The following MACROD1 variants were observed in gnomAD, a reference collection of about 807,000 sequenced individuals.
The protein encoded by MACROD1 is mono-ADP ribosylhydrolase 1.
Under a neutral mutation model 41.4 loss-of-function variants are expected in MACROD1, and 31 were observed. That is an observed-to-expected ratio of 0.75 (90% CI 0.56 to 1.01). The LOEUF is 1.01. MACROD1 is among the 50% of genes least tolerant of loss of function. The probability of loss-of-function intolerance (pLI) is 0.00; values close to 1 mark genes in which losing one functional copy is unlikely to be tolerated. For synonymous variants in MACROD1, 252 were observed against 203.4 expected (o/e 1.24, Z -2.03); for missense variants, 473 against 460.0 (o/e 1.03, Z -0.26).
intron 3 of MACROD1, among the ~76,000 whole-genome samples, chr11:64,025,492 C>T (rs1053931845): frequency 6.6e-6 from 1 of 152,194 alleles, no homozygotes; most frequent in African/African-American, 2.4e-5. Flanking sequence ...ATGAATCAAC[C>T]TCACAAAACA....
At chr11:64,118,361 C>G in intron 3 of MACROD1, 5 of 1,467,952 alleles carry the variant, frequency 3.4e-6, no homozygotes, top group Non-Finnish European at 4.5e-6. Context: ...CTTTGCCCAG[C>G]CTGCTGCAAT....
chr11:64,128,211 C>T (rs1300347850), intron 3 of MACROD1, among the ~76,000 whole-genome samples: 1 of 152,132 alleles, frequency 6.6e-6, no homozygotes, highest in African/African-American at 2.4e-5. Context: ...AGGAAAGGAC[C>T]CAGGCTGTTC....
intron 3 of MACROD1, among the ~76,000 whole-genome samples, chr11:64,094,247 G>A (rs898568099): frequency 1.3e-5 from 2 of 152,122 alleles, no homozygotes; most frequent in Admixed American, 6.6e-5. Flanking sequence ...CCTGGAAGAC[G>A]GTAAAACCAC....
At chr11:64,014,568 C>T (rs543661226) in intron 4 of MACROD1, among the ~76,000 whole-genome samples, 8 of 152,230 alleles carry the variant, frequency 5.3e-5, no homozygotes, top group East Asian at 3.8e-4. Flanking sequence ...GTGCAGACAG[C>T]GGGCAGCCTG....
At chr11:64,101,652 G>A (rs917202597) in intron 3 of MACROD1, among the ~76,000 whole-genome samples, 11 of 152,120 alleles carry the variant, frequency 7.2e-5, no homozygotes, top group East Asian at 1.9e-4. Flanking sequence ...ATGAAATCAC[G>A]CGGGTGGTAA....
chr11:64,073,500 G>T (rs1395915641), intron 3 of MACROD1, among the ~76,000 whole-genome samples: 1 of 152,258 alleles, frequency 6.6e-6, no homozygotes, highest in East Asian at 1.9e-4. Flanking sequence ...TTGGTGGAAG[G>T]ATTAGCTGAG....
At chr11:64,009,937 C>G (rs1025934125) in intron 4 of MACROD1, among the ~76,000 whole-genome samples, 1 of 152,262 alleles carries the variant, frequency 6.6e-6, no homozygotes, top group African/African-American at 2.4e-5. Flanking sequence ...CTCCACGCCA[C>G]TACCCACACC....
At chr11:64,019,757 G>T (rs1254638768) in intron 3 of MACROD1, among the ~76,000 whole-genome samples, 1 of 152,176 alleles carries the variant, frequency 6.6e-6, no homozygotes, top group Non-Finnish European at 1.5e-5. Flanking sequence ...CTTGAGAGCT[G>T]CCCCGGGCGT....
At chr11:64,072,876 C>T (rs760611978) in intron 3 of MACROD1, among the ~76,000 whole-genome samples, 5 of 152,220 alleles carry the variant, frequency 3.3e-5, no homozygotes, top group African/African-American at 9.7e-5. Flanking sequence ...CATAAACCTA[C>T]GTGTGGAGCA....
At chr11:64,147,667 G>A (rs942848312) in intron 3 of MACROD1, among the ~76,000 whole-genome samples, 1 of 151,520 alleles carries the variant, frequency 6.6e-6, no homozygotes, top group African/African-American at 2.4e-5. Context: ...CAAGTGATCC[G>A]CCTGTCTCAG....
intron 1 of MACROD1, among the ~76,000 whole-genome samples, chr11:64,164,941 C>G (rs1365342280): frequency 6.6e-6 from 1 of 151,788 alleles, no homozygotes; most frequent in Non-Finnish European, 1.5e-5. Flanking sequence ...CTCATGCCCC[C>G]TCCAGGAGCA....
chr11:64,136,352 C>T (rs1276555112), intron 3 of MACROD1, among the ~76,000 whole-genome samples: 2 of 152,244 alleles, frequency 1.3e-5, no homozygotes, highest in Non-Finnish European at 2.9e-5. Context: ...AGACAAGTCA[C>T]TTATGGTCTC....
intron 3 of MACROD1, among the ~76,000 whole-genome samples, chr11:64,050,652 CTT>C (rs1223286825): frequency 1.3e-5 from 2 of 152,342 alleles, no homozygotes; most frequent in African/African-American, 2.4e-5. Context: ...GACTTTCACT[CTT>C]GTCGCCCAGG....
chr11:64,152,196 A>C lies in MACROD1; in HGVS notation c.400+96T>G, dbSNP rs557454003. ...AGCACCTGCCTGCAGCAAGCACTCG[A>C]TACATGCCACTGGACTAGCTCTTCT... On this transcript the variant is annotated intron_variant, in intron 2 of 10. Coordinates refer to ENST00000255681, the MANE Select transcript of MACROD1 (RefSeq NM_014067.4). 1.3e-5 allele frequency: 12 copies of C among 952,920 alleles called. No homozygotes were observed. The East Asian group carries it at 2.2e-4, about 17-fold the overall frequency. 59.0% of individuals were successfully genotyped at this position (952,920 alleles called of 1,614,324 possible).
intron 3 of MACROD1, among the ~76,000 whole-genome samples, chr11:64,018,952 C>T (rs1943117678): frequency 6.6e-6 from 1 of 152,196 alleles, no homozygotes; most frequent in Non-Finnish European, 1.5e-5. Context: ...CAAGCTGGGG[C>T]TCATGATCCA....
chr11:64,165,934 G>T lies in MACROD1; in HGVS notation c.61C>A (p.Leu21Ile). 7.6e-7 allele frequency: 1 copy of T among 1,322,710 alleles called. No homozygotes were observed. 81.9% of individuals were successfully genotyped at this position (1,322,710 alleles called of 1,614,324 possible). ...CCGGGCCGGGGGCGCGGGGGGACGAGCAGCTGCCCCGCCGCGCGCAGCTGT... is the reference window on the plus strand; with the variant it reads ...CCGGGCCGGGGGCGCGGGGGGACGATCAGCTGCCCCGCCGCGCGCAGCTGT... Reference protein sequence around the residue: ...LAQLRAAGQLLVPPRPRPGHL... With the variant: ...LAQLRAAGQLIVPPRPRPGHL... Residue 21 changes from leucine (L) to isoleucine (I), a missense_variant, in exon 1 of 11, where the codon CTC becomes ATC. Coordinates refer to ENST00000255681, the MANE Select transcript of MACROD1 (RefSeq NM_014067.4).
rs2134375541 is a variant in MACROD1, at chr11:64,036,672, C to T, written c.518-21391G>A. 6.6e-6 allele frequency among the ~76,000 whole-genome samples: 1 copy of T among 152,196 alleles called. No individual in the cohort carries two copies. The highest frequency in any genetic ancestry group is 2.4e-5 in the African/African-American group (1 of 41,556). ...CGAGGTTTTATTTTTAAAACGACTTCAAGGGGGGCATGAGCAGCCTCCAAC... is the reference window on the plus strand; with the variant it reads ...CGAGGTTTTATTTTTAAAACGACTTTAAGGGGGGCATGAGCAGCCTCCAAC... On this transcript the variant is annotated intron_variant, in intron 3 of 10. Transcript: ENST00000255681. This position sits in a 1 kb window ranked among gnomAD's most constrained non-coding sequence, Gnocchi z 5.6.
chr11:64,008,816 G>A (rs986640847), intron 4 of MACROD1, among the ~76,000 whole-genome samples: 6 of 152,138 alleles, frequency 3.9e-5, no homozygotes, highest in African/African-American at 1.4e-4. Context: ...GGAGGTTGGG[G>A]ATGGGGTTCC....
intron 3 of MACROD1, among the ~76,000 whole-genome samples, chr11:64,148,065 G>A (rs2875748): frequency 0.47 from 71,667 of 151,942 alleles, 18,231 homozygotes; most frequent in East Asian, 0.6. Flanking sequence ...ATGGCCTGAC[G>A]GAGGTCACAG....
Sources: allele counts gnomAD v4.1 joint callset (sites outside exome capture counted in the v4.1 genomes callset), GRCh38; gene constraint gnomAD v4.1.1; non-coding constraint Gnocchi (gnomAD v3.1); transcripts MANE v1.5; gene names NCBI Gene and HGNC (gene_info 2026-07-23, HGNC 2026-07-21).